Variants in ZFYVE28 observed in about 807,000 individuals in gnomAD.
ZFYVE28 encodes zinc finger FYVE-type containing 28.
A neutral mutation model predicts 82.1 loss-of-function variants in ZFYVE28; 40 were observed. The observed-to-expected ratio is 0.49, with a 90% CI of 0.38 to 0.63. The LOEUF (loss-of-function observed/expected upper bound fraction) is 0.63, where lower values mean the gene tolerates loss of function less well. Among genes scored for constraint, ZFYVE28 ranks in the 30% least tolerant of loss-of-function variants. ZFYVE28 has a pLI of 0.00. For synonymous variants in ZFYVE28, 612 were observed against 546.1 expected (o/e 1.12, Z -1.68); for missense variants, 1,321 against 1,242.1 (o/e 1.06, Z -0.96).
intron 7 of ZFYVE28, among the ~76,000 whole-genome samples, chr4:2,309,344 G>A (rs1218712152): frequency 2.6e-5 from 4 of 152,140 alleles, no homozygotes; most frequent in Admixed American, 1.3e-4. Context: ...TGAGCTAAAC[G>A]AACCTCCTTG....
At position 2,304,271 on chromosome 4, in the gene ZFYVE28, G is replaced by T. The variant is rs969507655; in HGVS notation, c.2051+18C>A. 5 of 1,544,388 alleles carry T rather than the reference G, an allele frequency of 3.2e-6. No individual in the cohort carries two copies. In the African/African-American group the frequency reaches 4.1e-5, roughly 13 times the overall value. Reference sequence around the variant, plus strand: ...GCAGAGAGGACAAACCCAGTCTCTGGGCCAGACTGGCTCTTACCTGGAGCC... The same window carrying T: ...GCAGAGAGGACAAACCCAGTCTCTGTGCCAGACTGGCTCTTACCTGGAGCC... On this transcript the variant is annotated intron_variant, in intron 8 of 12. Coordinates refer to ENST00000290974, the MANE Select transcript of ZFYVE28 (RefSeq NM_020972.3).
At chr4:2,338,976 AT>A (rs1722312074) in intron 4 of ZFYVE28, among the ~76,000 whole-genome samples, 1 of 139,986 alleles carries the variant, frequency 7.1e-6, no homozygotes, top group East Asian at 2.1e-4. Flanking sequence ...GGCCCGGCTA[AT>A]TTTTTGTATT....
chr4:2,409,271 T>C lies in ZFYVE28; in HGVS notation c.39+9014A>G, dbSNP rs546227279. ...CCACCAGGCCCAGATCCATCTACTT[T>C]CTCCATCCAGAGTCGCCTGCTGCCA... On this transcript the variant is annotated intron_variant, in intron 1 of 12. Transcript: ENST00000290974. The surrounding 1 kb of genome is among the most constrained non-coding windows in gnomAD (Gnocchi z 4.4). Among the ~76,000 whole-genome samples the C allele has an allele frequency of 6.6e-6, 1 of 150,418 alleles. No homozygotes were observed. Among genetic ancestry groups the C allele is most frequent in the East Asian group, 2.0e-4 (1 of 5,108 alleles).
chr4:2,386,909 G>A (rs991021085), intron 1 of ZFYVE28, among the ~76,000 whole-genome samples: 3 of 152,228 alleles, frequency 2.0e-5, no homozygotes, highest in African/African-American at 4.8e-5. Context: ...CTCGCCTCCC[G>A]GAGCAGCCTC....
intron 8 of ZFYVE28, among the ~76,000 whole-genome samples, chr4:2,277,651 C>T (rs952677436): frequency 6.6e-6 from 1 of 152,006 alleles, no homozygotes; most frequent in African/African-American, 2.4e-5. Flanking sequence ...AAGAATCATA[C>T]ACTGAAAACA....
intron 6 of ZFYVE28, among the ~76,000 whole-genome samples, chr4:2,331,217 G>GCA (rs1578121510): frequency 2.0e-5 from 3 of 151,946 alleles, no homozygotes; most frequent in South Asian, 4.2e-4. Context: ...GGGAAGCGTC[G>GCA]CACACACACA....
intron 1 of ZFYVE28, chr4:2,364,761 C>T (rs1578262805): frequency 3.0e-6 from 3 of 985,530 alleles, no homozygotes; most frequent in Middle Eastern, 5.2e-4. Context: ...GCATTCCCGC[C>T]GCCGCGCCCT....
At chr4:2,397,628 T>C (rs1008908103) in intron 1 of ZFYVE28, among the ~76,000 whole-genome samples, 1 of 152,272 alleles carries the variant, frequency 6.6e-6, no homozygotes, top group African/African-American at 2.4e-5. Flanking sequence ...TCCATATCTA[T>C]GAACATCATG....
intron 7 of ZFYVE28, among the ~76,000 whole-genome samples, chr4:2,319,523 G>C (rs899006913): frequency 2.6e-5 from 4 of 152,164 alleles, no homozygotes; most frequent in Admixed American, 6.5e-5. Flanking sequence ...AGTGATCAGG[G>C]GCCGTGGTAG....
chr4:2,278,753 CA>C (rs111557109), intron 8 of ZFYVE28, among the ~76,000 whole-genome samples: 17,144 of 137,778 alleles, frequency 0.12, 2,462 homozygotes, highest in African/African-American at 0.34. Flanking sequence ...ACAAAAAGAC[CA>C]AAAAAAAAAA....
chr4:2,309,885 G>A lies in ZFYVE28; in HGVS notation c.804-4349C>T, dbSNP rs952171009. Among the ~76,000 whole-genome samples the A allele has an allele frequency of 1.2e-4, 18 of 152,170 alleles. No individual in the cohort carries two copies. The Middle Eastern group carries it at 0.014, about 115-fold the overall frequency. On this transcript the variant is annotated intron_variant, in intron 7 of 12. Transcript: ENST00000290974. ...TCTGTTTTGTTTATTGCTAAGAGATGTTTTCACCATAAAATTGGTGTGAAA... is the reference window on the plus strand; with the variant it reads ...TCTGTTTTGTTTATTGCTAAGAGATATTTTCACCATAAAATTGGTGTGAAA...
chr4:2,306,507 G>A (rs1011904121), intron 7 of ZFYVE28, among the ~76,000 whole-genome samples: 1 of 152,186 alleles, frequency 6.6e-6, no homozygotes, highest in African/African-American at 2.4e-5. Flanking sequence ...CTGAGGAAAT[G>A]GGAATTCTCA....
chr4:2,271,283 G>T (rs374341546), intron 12 of ZFYVE28, 28 bp downstream of exon 12: 2 of 1,604,512 alleles, frequency 1.2e-6, no homozygotes, highest in Non-Finnish European at 1.7e-6. Context: ...GATGCTGAGG[G>T]ACCCTCCGTG....
chr4:2,299,493 C>T (rs1206163954), intron 8 of ZFYVE28, among the ~76,000 whole-genome samples: 1 of 148,278 alleles, frequency 6.7e-6, no homozygotes. Flanking sequence ...GCGGCCCACA[C>T]CTGTAATCTC....
chr4:2,290,744 G>A (rs1430769952), intron 8 of ZFYVE28, among the ~76,000 whole-genome samples: 1 of 152,150 alleles, frequency 6.6e-6, no homozygotes, highest in Non-Finnish European at 1.5e-5. Context: ...ATCGCCTTGG[G>A]GTGCTCACCT....
intron 1 of ZFYVE28, among the ~76,000 whole-genome samples, chr4:2,401,441 G>A (rs572373198): frequency 6.6e-5 from 10 of 152,264 alleles, no homozygotes; most frequent in South Asian, 2.1e-4. Context: ...CCCAGGGCCC[G>A]GGTCGCAGGG....
At position 2,320,876 on chromosome 4, in the gene ZFYVE28, C is replaced by G. The variant is rs565077681; in HGVS notation, c.702-605G>C. On this transcript the variant is annotated intron_variant, in intron 6 of 12. Coordinates refer to ENST00000290974, the MANE Select transcript of ZFYVE28 (RefSeq NM_020972.3). The surrounding 1 kb of genome is among the most constrained non-coding windows in gnomAD (Gnocchi z 5.1). ...TCCCCAGGACTGGGGCCGCATGTGGCTGAGGCCGGCTTTCCTCACTGTCCC... is the reference window on the plus strand; with the variant it reads ...TCCCCAGGACTGGGGCCGCATGTGGGTGAGGCCGGCTTTCCTCACTGTCCC... Among the ~76,000 whole-genome samples, 20 of 152,262 alleles carry G rather than the reference C, an allele frequency of 1.3e-4. No homozygotes were observed. The highest frequency in any genetic ancestry group is 2.1e-4 in the Non-Finnish European group (14 of 68,012).
rs1398763911 is a variant in ZFYVE28, at chr4:2,293,769, AAAT to A, written c.2051+10517_2051+10519del. Among the ~76,000 whole-genome samples, 8 of 151,516 alleles carry A rather than the reference AAAT, an allele frequency of 5.3e-5. 1 individual carries two copies. The highest frequency in any genetic ancestry group is 1.9e-4 in the African/African-American group (8 of 41,398). On this transcript the variant is annotated intron_variant, in intron 8 of 12. Coordinates refer to ENST00000290974, the MANE Select transcript of ZFYVE28 (RefSeq NM_020972.3). Reference sequence around the variant, plus strand: ...CTCCATCTCAAAAAAAAAAAAAAAAAAATCTTCTAGAAGATCTACAAAAATCAG... The same window carrying A: ...CTCCATCTCAAAAAAAAAAAAAAAAACTTCTAGAAGATCTACAAAAATCAG...
intron 1 of ZFYVE28, among the ~76,000 whole-genome samples, chr4:2,360,188 G>T (rs1300518926): frequency 1.3e-5 from 2 of 151,402 alleles, no homozygotes; most frequent in Admixed American, 1.3e-4. Flanking sequence ...GGGAAGCTCC[G>T]AGTGTCTTCA....
Sources: gnomAD v4.1 joint callset for allele counts (sites outside exome capture counted in the v4.1 genomes callset) on GRCh38, gnomAD v4.1.1 for gene constraint, Gnocchi (gnomAD v3.1) non-coding constraint, MANE v1.5 for transcripts, NCBI Gene and HGNC (gene_info 2026-07-23, HGNC 2026-07-21) for gene names.